KRAS: variants seen among roughly 807,000 people sequenced by gnomAD.
KRAS encodes the protein GTPase KRas.
KRAS carries 1 observed loss-of-function variant against 21.0 expected under a neutral mutation model. The observed-to-expected ratio is 0.05, with a 90% CI of 0.02 to 0.23. The LOEUF is 0.23. Ranked by LOEUF, KRAS falls within the 10% of genes least tolerant of loss-of-function variation. The pLI, the probability that KRAS is intolerant of heterozygous loss-of-function variation, is 1.00. For missense variants in KRAS, 107 were observed against 221.8 expected, an observed-to-expected ratio of 0.48 and a Z score of 3.29; for synonymous variants, 67 against 72.5, an observed-to-expected ratio of 0.92 and a Z score of 0.39.
intron 1 of KRAS, among the ~76,000 whole-genome samples, chr12:25,248,901 T>C (rs1158908282): frequency 6.6e-6 from 1 of 152,228 alleles, no homozygotes; most frequent in Non-Finnish European, 1.5e-5. Context: ...TTAGCAACCA[T>C]ATTTGATATC....
At chr12:25,209,949 C>T (rs376518387) in intron 4 of KRAS, 38 bp from the exon 5 acceptor site, 5 of 1,510,858 alleles carry the variant, frequency 3.3e-6, no homozygotes, top group African/African-American at 1.4e-5. Context: ...TGAATATATA[C>T]GATGGCTTCA....
Position 25,247,380 on chromosome 12 carries a change from C to T in KRAS, c.-11-1985G>A, listed in dbSNP as rs146935016. On this transcript the variant is annotated intron_variant, in intron 1 of 4. Coordinates refer to ENST00000311936, the MANE Select transcript of KRAS (RefSeq NM_004985.5). ...CAGGCTAGAAAAATTGTATCACACA[C>T]GGTCACGGCATAGTTCCCCGCCTTA... Among the ~76,000 whole-genome samples the T allele has an allele frequency of 5.9e-5, 9 of 152,290 alleles. 1 individual carries two copies. The East Asian group carries it at 1.5e-3, about 26-fold the overall frequency.
intron 4 of KRAS, among the ~76,000 whole-genome samples, chr12:25,210,490 A>G (rs1265953163): frequency 2.0e-5 from 3 of 152,178 alleles, no homozygotes; most frequent in African/African-American, 7.2e-5. Context: ...CAGTTTTCAA[A>G]TGATATATAT....
chr12:25,234,944 T>C (rs923092892), intron 2 of KRAS: 2 of 269,886 alleles, frequency 7.4e-6, no homozygotes, highest in Non-Finnish European at 1.4e-5. Flanking sequence ...AAGAAACTAA[T>C]AACTTTTACT....
chr12:25,245,241 C>A (rs2135805604), intron 2 of KRAS, 33 bp downstream of exon 2: 1 of 1,573,586 alleles, frequency 6.4e-7, no homozygotes, highest in East Asian at 2.3e-5. Context: ...AATGGTCCTG[C>A]ACCAGTAATA....
intron 1 of KRAS, among the ~76,000 whole-genome samples, chr12:25,248,189 G>A (rs190986068): frequency 2.0e-5 from 3 of 150,508 alleles, no homozygotes; most frequent in Admixed American, 2.0e-4. Flanking sequence ...AGTGTAGGCC[G>A]GGTGTGGTGG....
At chr12:25,249,591 C>CAAAAAAAAAAAAAA (rs71065929) in intron 1 of KRAS, among the ~76,000 whole-genome samples, 9,503 of 60,328 alleles carry the variant, frequency 0.16, 3,179 homozygotes, top group Non-Finnish European at 0.17. Flanking sequence ...GACTGTGTCT[C>CAAAAAAAAAAAAAA]AAAAAAAAAA....
In KRAS at chr12:25,206,181, T is replaced by C. The variant is rs1011585322; in HGVS notation, c.*3614A>G. ...CTGTAACTTAACATGCCCCACAAAG[T>C]TTCTATGTATATATTAGGACAAAAT... On this transcript the variant is annotated 3_prime_UTR_variant, in exon 5 of 5. Coordinates refer to ENST00000311936, the MANE Select transcript of KRAS (RefSeq NM_004985.5). 4.6e-6 allele frequency: 1 copy of C among 216,224 alleles called. No homozygotes were observed. The highest frequency in any genetic ancestry group is 9.3e-6 in the Non-Finnish European group (1 of 107,216). 13.4% of individuals were successfully genotyped at this position (216,224 alleles called of 1,614,324 possible).
At chr12:25,236,283 A>G (rs1344246176) in intron 2 of KRAS, among the ~76,000 whole-genome samples, 1 of 152,206 alleles carries the variant, frequency 6.6e-6, no homozygotes, top group African/African-American at 2.4e-5. Context: ...TACTAGCATT[A>G]TCATGACAAA....
intron 2 of KRAS, among the ~76,000 whole-genome samples, chr12:25,227,901 T>C (rs143168094): frequency 8.7e-4 from 133 of 152,288 alleles, no homozygotes; most frequent in Non-Finnish European, 1.7e-3. Context: ...TGTACACCAA[T>C]GTTCGCAGCA....
intron 2 of KRAS, among the ~76,000 whole-genome samples, chr12:25,235,418 G>A (rs1170502318): frequency 6.6e-6 from 1 of 152,158 alleles, no homozygotes; most frequent in Non-Finnish European, 1.5e-5. Flanking sequence ...GTAAACAGAG[G>A]TTGATGAGTT....
chr12:25,245,515 T>C (rs1323178516), intron 1 of KRAS, 120 bp from the exon 2 acceptor site: 8 of 1,030,602 alleles, frequency 7.8e-6, no homozygotes, highest in East Asian at 2.6e-5. Context: ...TGAAAAATTA[T>C]TTCAAAATAC....
rs917782865 is a variant in KRAS at position 25,209,622 on chromosome 12, G to GA, written c.*172dup. On this transcript the variant is annotated 3_prime_UTR_variant, in exon 5 of 5. Coordinates refer to ENST00000311936, the MANE Select transcript of KRAS (RefSeq NM_004985.5). ...ACTCTGGGAATACTGGCACTTAGAG[G>GA]AAAAAAAAACTTCCACTGTCATTTT... 713 of 1,321,278 alleles carry GA rather than the reference G, an allele frequency of 5.4e-4. No individual in the cohort carries two copies. Among genetic ancestry groups the GA allele is most frequent in the South Asian group, 1.1e-3 (56 of 49,386 alleles). The allele number at this position is 1,321,278 out of a possible 1,614,324, so 81.8% of individuals were successfully genotyped here.
intron 1 of KRAS, among the ~76,000 whole-genome samples, chr12:25,247,807 A>C (rs1951704161): frequency 1.3e-5 from 2 of 152,244 alleles, no homozygotes; most frequent in African/African-American, 2.4e-5. Context: ...TCTTCTATTA[A>C]GCCACATCAT....
At chr12:25,212,949 A>G (rs1246194101) in intron 4 of KRAS, among the ~76,000 whole-genome samples, 1 of 152,092 alleles carries the variant, frequency 6.6e-6, no homozygotes, top group African/African-American at 2.4e-5. Context: ...CCTAGGCTAC[A>G]GTGCCATGGC....
At chr12:25,229,160 A>C (rs1951433513) in intron 2 of KRAS, among the ~76,000 whole-genome samples, 1 of 152,232 alleles carries the variant, frequency 6.6e-6, no homozygotes, top group Non-Finnish European at 1.5e-5. Flanking sequence ...TTATATGGAG[A>C]GTCAACAATG....
intron 4 of KRAS, among the ~76,000 whole-genome samples, chr12:25,222,621 T>G (rs1951341074): frequency 6.6e-6 from 1 of 152,114 alleles, no homozygotes; most frequent in East Asian, 1.9e-4. Context: ...ATGATCCACA[T>G]AAAAATGTCT....
intron 2 of KRAS, among the ~76,000 whole-genome samples, chr12:25,238,195 C>G (rs1951567182): frequency 6.6e-6 from 1 of 152,116 alleles, no homozygotes; most frequent in Non-Finnish European, 1.5e-5. Flanking sequence ...GTGTACTACT[C>G]CCAAGAGAAA....
At chr12:25,212,698 T>A (rs1028473735) in intron 4 of KRAS, among the ~76,000 whole-genome samples, 10 of 152,212 alleles carry the variant, frequency 6.6e-5, no homozygotes, top group African/African-American at 2.2e-4. Context: ...TAACATTATC[T>A]TTTTCAGGAC....
Sources: allele counts gnomAD v4.1 joint callset (sites outside exome capture counted in the v4.1 genomes callset), GRCh38; gene constraint gnomAD v4.1.1; transcripts MANE v1.5; gene names NCBI Gene and HGNC (gene_info 2026-07-23, HGNC 2026-07-21).